Variants in CELF2 observed in about 807,000 individuals in gnomAD.
CELF2 encodes CUG triplet repeat RNA-binding protein 2.
Under a neutral mutation model 62.6 loss-of-function variants are expected in CELF2, and 8 were observed. The ratio of observed to expected loss-of-function variants is 0.13; its 90% confidence interval spans 0.07 to 0.23. The LOEUF is 0.23. CELF2 is among the 10% of genes least tolerant of loss of function. CELF2 has a pLI of 1.00. For synonymous variants in CELF2, 258 were observed against 250.0 expected (o/e 1.03, Z -0.30); for missense variants, 333 against 671.0 (o/e 0.50, Z 5.56).
intron 1 of CELF2, among the ~76,000 whole-genome samples, chr10:11,137,276 T>C (rs1165564026): frequency 1.3e-5 from 2 of 152,112 alleles, no homozygotes; most frequent in Non-Finnish European, 2.9e-5. Context: ...GTCAATAGAG[T>C]AGAGTTAGAA....
At chr10:10,698,979 A>G in the CELF2 span, among the ~76,000 whole-genome samples, 1 of 152,076 alleles carries the variant, frequency 6.6e-6, no homozygotes, top group East Asian at 1.9e-4. Flanking sequence ...ATTATATTAT[A>G]TAACATACTA....
chr10:10,651,335 G>C, the CELF2 span, among the ~76,000 whole-genome samples: 4 of 148,602 alleles, frequency 2.7e-5, no homozygotes, highest in African/African-American at 7.4e-5. Context: ...GGTAAACAAA[G>C]CAGCGGGGAA....
At chr10:10,529,922 C>T in the CELF2 span, among the ~76,000 whole-genome samples, 1 of 152,140 alleles carries the variant, frequency 6.6e-6, no homozygotes, top group Non-Finnish European at 1.5e-5. Context: ...TAAGAACGTT[C>T]CTTTGTTCTC....
chr10:10,775,359 G>C, the CELF2 span, among the ~76,000 whole-genome samples: 1 of 152,068 alleles, frequency 6.6e-6, no homozygotes, highest in Non-Finnish European at 1.5e-5. Flanking sequence ...GGCCAGGTGC[G>C]GTGGCTCACA....
intron 2 of CELF2, among the ~76,000 whole-genome samples, chr10:11,195,621 C>T (rs1347304636): frequency 1.3e-5 from 2 of 152,200 alleles, no homozygotes; most frequent in Non-Finnish European, 2.9e-5. Flanking sequence ...GATTATTTTG[C>T]CATAACCTAG....
At chr10:10,863,193 C>T (rs2060147983) in intron 1 of CELF2, among the ~76,000 whole-genome samples, 1 of 152,158 alleles carries the variant, frequency 6.6e-6, no homozygotes, top group African/African-American at 2.4e-5. Context: ...ACTGCCCAGG[C>T]TAAAAGAGAT....
At chr10:10,595,220 G>A in the CELF2 span, among the ~76,000 whole-genome samples, 1 of 152,180 alleles carries the variant, frequency 6.6e-6, no homozygotes, top group Non-Finnish European at 1.5e-5. Flanking sequence ...ACATGCACAA[G>A]CCTCTTAAAG....
At chr10:10,600,567 C>T in the CELF2 span, among the ~76,000 whole-genome samples, 2 of 152,134 alleles carry the variant, frequency 1.3e-5, no homozygotes, top group Admixed American at 1.3e-4. Context: ...GGGTGTAGAA[C>T]TTTGGGAAAA....
At chr10:10,857,700 A>T (rs1318406944) in intron 1 of CELF2, among the ~76,000 whole-genome samples, 1 of 137,638 alleles carries the variant, frequency 7.3e-6, no homozygotes, top group Non-Finnish European at 1.6e-5. Flanking sequence ...CAATAAAAAA[A>T]AATACTGGAT....
chr10:11,252,710 G>A (rs1035078866), intron 4 of CELF2, among the ~76,000 whole-genome samples: 12 of 152,138 alleles, frequency 7.9e-5, no homozygotes, highest in African/African-American at 1.4e-4. Context: ...CTGGCACACC[G>A]ATGGAAGCTC....
the CELF2 span, among the ~76,000 whole-genome samples, chr10:10,660,385 C>T: frequency 2.6e-5 from 4 of 152,122 alleles, no homozygotes; most frequent in South Asian, 2.1e-4. Context: ...TTTGGTTTAC[C>T]TAAGTCTAGA....
chr10:10,797,077 G>A (rs1020849408), upstream of CELF2, among the ~76,000 whole-genome samples: 4 of 152,164 alleles, frequency 2.6e-5, no homozygotes, highest in African/African-American at 4.8e-5. Flanking sequence ...GTAAGAAAGG[G>A]ATTTACAATG....
chr10:11,182,215 A>G (rs2134065379), intron 2 of CELF2, among the ~76,000 whole-genome samples: 1 of 152,354 alleles, frequency 6.6e-6, no homozygotes, highest in Middle Eastern at 3.4e-3. Flanking sequence ...TGCAGTTCTC[A>G]GGAACAATTC....
At chr10:11,226,833 C>T (rs901405376) in intron 3 of CELF2, among the ~76,000 whole-genome samples, 1 of 152,170 alleles carries the variant, frequency 6.6e-6, no homozygotes, top group African/African-American at 2.4e-5. Context: ...CAAAGACAGT[C>T]ATCACTGTAA....
chr10:11,174,669 G>C (rs1035078814), intron 2 of CELF2, among the ~76,000 whole-genome samples: 10 of 152,310 alleles, frequency 6.6e-5, no homozygotes, highest in African/African-American at 2.4e-4. Context: ...AAAATATGTT[G>C]GGCTTTATTG....
chr10:10,714,704 A>C, the CELF2 span, among the ~76,000 whole-genome samples: 2 of 152,210 alleles, frequency 1.3e-5, no homozygotes, highest in Admixed American at 6.5e-5. Context: ...TTTTAATCAC[A>C]GGGAAAATAA....
Position 11,217,245 on chromosome 10 carries a change from T to C in CELF2, c.272-180T>C, listed in dbSNP as rs535288355. 7.6e-4 allele frequency among the ~76,000 whole-genome samples: 116 copies of C among 152,322 alleles called. 1 individual carries two copies. Among genetic ancestry groups the C allele is most frequent in the Non-Finnish European group, 5.1e-4 (35 of 68,026 alleles). ...CCAACGTGGGTAAAGCTAATAAATA[T>C]GATTTAGGATGAAAAGGTACTGTGT... On this transcript the variant is annotated intron_variant, in intron 2 of 12. Transcript: ENST00000633077. This position sits in a 1 kb window ranked among gnomAD's most constrained non-coding sequence, Gnocchi z 5.6.
chr10:10,506,080 AT>A, the CELF2 span, among the ~76,000 whole-genome samples: 74,610 of 149,816 alleles, frequency 0.5, 20,581 homozygotes, highest in Middle Eastern at 0.64. Flanking sequence ...GTATTCTCTC[AT>A]TTTTTTTTTT....
At chr10:11,231,894 C>A (rs2068831392) in intron 3 of CELF2, among the ~76,000 whole-genome samples, 1 of 151,700 alleles carries the variant, frequency 6.6e-6, no homozygotes, top group Non-Finnish European at 1.5e-5. Flanking sequence ...AAATTAAAAT[C>A]TTTCATCATC....
Sources: allele counts gnomAD v4.1 joint callset (sites outside exome capture counted in the v4.1 genomes callset), GRCh38; gene constraint gnomAD v4.1.1; non-coding constraint Gnocchi (gnomAD v3.1); transcripts MANE v1.5; gene names NCBI Gene and HGNC (gene_info 2026-07-23, HGNC 2026-07-21).